Variants in SCN8A observed in about 807,000 individuals in gnomAD.
SCN8A encodes sodium channel protein type 8 subunit alpha.
A neutral mutation model predicts 184.1 loss-of-function variants in SCN8A; 30 were observed. That is an observed-to-expected ratio of 0.16 (90% CI 0.12 to 0.22). The LOEUF is 0.22. Among genes scored for constraint, SCN8A ranks in the 10% least tolerant of loss-of-function variants. SCN8A has a pLI of 1.00. For missense variants in SCN8A, 1,057 were observed against 2,498.9 expected, an observed-to-expected ratio of 0.42 and a Z score of 12.30; for synonymous variants, 852 against 907.0, an observed-to-expected ratio of 0.94 and a Z score of 1.09.
intron 14 of SCN8A, among the ~76,000 whole-genome samples, chr12:51,760,401 G>A (rs1942744846): frequency 6.6e-6 from 1 of 152,106 alleles, no homozygotes; most frequent in Non-Finnish European, 1.5e-5. Context: ...CTAATGCCTG[G>A]GGCCATTCAT....
At chr12:51,723,291 T>C (rs1160356761) in intron 12 of SCN8A, among the ~76,000 whole-genome samples, 1 of 151,538 alleles carries the variant, frequency 6.6e-6, no homozygotes, top group Non-Finnish European at 1.5e-5. Context: ...GGAGACCAGC[T>C]TGGCAACACA....
At chr12:51,606,566 T>TG (rs1477917124) in intron 1 of SCN8A, among the ~76,000 whole-genome samples, 2 of 152,210 alleles carry the variant, frequency 1.3e-5, no homozygotes, top group Non-Finnish European at 2.9e-5. Flanking sequence ...GCTTTGGCTA[T>TG]GTGGGCTCTT....
chr12:51,740,156 A>G (rs1010589672), intron 12 of SCN8A, among the ~76,000 whole-genome samples: 12 of 152,132 alleles, frequency 7.9e-5, no homozygotes, highest in Non-Finnish European at 1.6e-4. Context: ...TAAACCCACA[A>G]CCTTCCAGCT....
chr12:51,768,442 A>AT (rs1170159037), intron 16 of SCN8A, among the ~76,000 whole-genome samples: 5 of 150,856 alleles, frequency 3.3e-5, no homozygotes, highest in South Asian at 2.1e-4. Flanking sequence ...TTCAAGCCTC[A>AT]TTTTTTTTTC....
chr12:51,739,999 G>A (rs1220979886), intron 12 of SCN8A, among the ~76,000 whole-genome samples: 3 of 152,196 alleles, frequency 2.0e-5, no homozygotes, highest in Admixed American at 6.5e-5. Context: ...GGGAAGGGCC[G>A]AATTAAAGGA....
intron 1 of SCN8A, among the ~76,000 whole-genome samples, chr12:51,606,908 T>A (rs111398244): frequency 0.12 from 18,280 of 151,256 alleles, 1,214 homozygotes; most frequent in South Asian, 0.23. Flanking sequence ...TTATTTATTT[T>A]TTTTTTTGAG....
chr12:51,715,657 C>CAAAAAAAAAAAAAAAA (rs71092719), intron 11 of SCN8A, among the ~76,000 whole-genome samples: 2 of 71,850 alleles, frequency 2.8e-5, no homozygotes, highest in Non-Finnish European at 2.7e-5. Context: ...GTCTCTGTCT[C>CAAAAAAAAAAAAAAAA]AAAAAAAAAA....
Position 51,808,740 on chromosome 12 carries a change from T to C in SCN8A, c.*1311T>C, listed in dbSNP as rs563072187. 3.9e-5 allele frequency: 6 copies of C among 152,192 alleles called. No homozygotes were observed. Among genetic ancestry groups the C allele is most frequent in the African/African-American group, 1.4e-4 (6 of 41,544 alleles). The allele number at this position is 152,192 out of a possible 1,614,324, so 9.4% of individuals were successfully genotyped here. ...CATTGTGGCTTTCTCCAGGCATGGG[T>C]CGATACCGCGAGGGGTTCAGATATT... On this transcript the variant is annotated 3_prime_UTR_variant, in exon 27 of 27. Coordinates refer to ENST00000627620, the MANE Select transcript of SCN8A (RefSeq NM_001330260.2).
At chr12:51,687,951 G>A (rs1243043358) in intron 5 of SCN8A, among the ~76,000 whole-genome samples, 1 of 152,204 alleles carries the variant, frequency 6.6e-6, no homozygotes, top group Non-Finnish European at 1.5e-5. Flanking sequence ...TATGCATGAT[G>A]TGTAAGAAAG....
intron 12 of SCN8A, among the ~76,000 whole-genome samples, chr12:51,724,349 A>G (rs914536738): frequency 2.0e-5 from 3 of 152,180 alleles, no homozygotes. Flanking sequence ...TGGGAAGCCA[A>G]GGCACGAGAA....
chr12:51,810,240 G>T lies in SCN8A; in HGVS notation c.*2811G>T. ...GAAAGAAGCCACCTCCGCTGTATTT[G>T]AAGTTTCACTTTTTAAAAAAAAAAT... On this transcript the variant is annotated 3_prime_UTR_variant, in exon 27 of 27. Transcript: ENST00000627620. The T allele has an allele frequency of 4.0e-6, 1 of 249,018 alleles. No homozygotes were observed. The highest frequency in any genetic ancestry group is 8.3e-6 in the Non-Finnish European group (1 of 120,978). The allele number at this position is 249,018 out of a possible 1,614,324, so 15.4% of individuals were successfully genotyped here.
chr12:51,666,954 C>T (rs1941044900), intron 2 of SCN8A, among the ~76,000 whole-genome samples: 1 of 152,200 alleles, frequency 6.6e-6, no homozygotes, highest in Admixed American at 6.5e-5. Flanking sequence ...TGAATTGCCT[C>T]AGACTTCTCA....
chr12:51,717,043 C>G (rs1941977564), intron 11 of SCN8A, among the ~76,000 whole-genome samples: 1 of 152,224 alleles, frequency 6.6e-6, no homozygotes, highest in Non-Finnish European at 1.5e-5. Context: ...CTCATCCCTT[C>G]CTTCCTGAGG....
chr12:51,799,575 A>G (rs1455387192), intron 26 of SCN8A, among the ~76,000 whole-genome samples: 1 of 152,218 alleles, frequency 6.6e-6, no homozygotes, highest in African/African-American at 2.4e-5. Context: ...TCTGCCACTG[A>G]TACCTCAAGC....
intron 11 of SCN8A, among the ~76,000 whole-genome samples, chr12:51,714,465 A>G (rs7309995): frequency 0.82 from 124,136 of 152,114 alleles, 51,398 homozygotes; most frequent in East Asian, 0.9. Context: ...ATATTATGAA[A>G]CTGTCAGGCT....
chr12:51,786,490 G>A (rs1384109271), intron 21 of SCN8A, 52 bp from the exon 22 acceptor site: 10 of 1,596,808 alleles, frequency 6.3e-6, no homozygotes, highest in East Asian at 4.5e-5. Context: ...ATCAAAAAAT[G>A]TGCTTGCTCT....
At chr12:51,801,784 A>G (rs904550166) in intron 26 of SCN8A, among the ~76,000 whole-genome samples, 1 of 152,162 alleles carries the variant, frequency 6.6e-6, no homozygotes, top group Non-Finnish European at 1.5e-5. Context: ...GCCAGGCGCC[A>G]TAGCTCATGC....
intron 24 of SCN8A, 30 bp from the exon 25 acceptor site, chr12:51,790,368 A>G: frequency 6.6e-7 from 1 of 1,512,850 alleles, no homozygotes; most frequent in Non-Finnish European, 9.1e-7. Flanking sequence ...AGCCAGTTGT[A>G]ATTGTCTGTT....
chr12:51,800,750 G>A (rs1762286329), intron 26 of SCN8A, among the ~76,000 whole-genome samples: 1 of 152,178 alleles, frequency 6.6e-6, no homozygotes, highest in South Asian at 2.1e-4. Flanking sequence ...GATGTTTTGG[G>A]TCCCCTGGAA....
Sources: gnomAD v4.1 joint callset for allele counts (sites outside exome capture counted in the v4.1 genomes callset) on GRCh38, gnomAD v4.1.1 for gene constraint, MANE v1.5 for transcripts, NCBI Gene and HGNC (gene_info 2026-07-23, HGNC 2026-07-21) for gene names.